Variants in CDHR3 observed in about 807,000 individuals in gnomAD.
The protein encoded by CDHR3 is cadherin-related family member 3.
Under a neutral mutation model 86.6 loss-of-function variants are expected in CDHR3, and 79 were observed. That is an observed-to-expected ratio of 0.91 (90% CI 0.76 to 1.10). The LOEUF is 1.10. Among genes scored for constraint, CDHR3 ranks in the 50% least tolerant of loss-of-function variants. The pLI is 0.00. For missense variants in CDHR3, 1,081 were observed against 1,077.6 expected (o/e 1.00, Z -0.04); for synonymous variants, 421 against 402.4 (o/e 1.05, Z -0.55).
intron 1 of CDHR3, among the ~76,000 whole-genome samples, chr7:105,968,363 T>C (rs1008413405): frequency 1.3e-5 from 2 of 152,096 alleles, no homozygotes; most frequent in Non-Finnish European, 2.9e-5. Context: ...TTTCTTTTTT[T>C]TATTTTTTAT....
At chr7:105,980,785 GA>G (rs1829620417) in intron 2 of CDHR3, among the ~76,000 whole-genome samples, 182 bp from the exon 3 acceptor site, 1 of 151,994 alleles carries the variant, frequency 6.6e-6, no homozygotes, top group Non-Finnish European at 1.5e-5. Context: ...TCCCTTTAGT[GA>G]AGTATCATAG....
chr7:106,024,837 C>T (rs1379902225), intron 15 of CDHR3, among the ~76,000 whole-genome samples: 1 of 152,210 alleles, frequency 6.6e-6, no homozygotes, highest in Non-Finnish European at 1.5e-5. Flanking sequence ...GGGCATCAAC[C>T]TTCTGATGAC....
rs146648300 is a variant in CDHR3, at chr7:105,986,442, G to A, written c.513+2153G>A. Among the ~76,000 whole-genome samples, 63 of 152,294 alleles carry A rather than the reference G, an allele frequency of 4.1e-4. No homozygotes were observed. The East Asian group carries it at 7.1e-3, about 17-fold the overall frequency. ...CAGACATTCATGCGTAGGGGAGAAG[G>A]AACAGCTTTTCCTCACTTGTCAAAA... is the stretch of plus-strand genomic sequence containing the variant. On this transcript the variant is annotated intron_variant, in intron 4 of 18. Coordinates refer to ENST00000317716, the MANE Select transcript of CDHR3 (RefSeq NM_152750.5).
rs1194848499 is a variant in CDHR3, at chr7:106,032,395, A to AC, written c.2358dup (p.Gly787ArgfsTer5). 6.2e-7 allele frequency: 1 copy of AC among 1,602,554 alleles called. No homozygotes were observed. The highest frequency in any genetic ancestry group is 1.7e-5 in the Admixed American group (1 of 58,414). On this transcript the variant is annotated frameshift_variant, in exon 19 of 19. Coordinates refer to ENST00000317716, the MANE Select transcript of CDHR3 (RefSeq NM_152750.5). LOFTEE classifies it high-confidence loss of function. Reference sequence around the variant, plus strand: ...TTGTTGTATTTTTTTTTCACTAGTGACCGGGGAAACATATGAATTCAACTC... The same window carrying AC: ...TTGTTGTATTTTTTTTTCACTAGTGACCCGGGGAAACATATGAATTCAACTC...
chr7:105,974,792 C>T, intron 1 of CDHR3, 52 bp from the exon 2 acceptor site: 3 of 1,475,712 alleles, frequency 2.0e-6, no homozygotes, highest in Non-Finnish European at 2.8e-6. Context: ...AGTCCCTGTT[C>T]CCAGCAAAAG....
At chr7:106,027,211 A>T (rs778176570) in intron 16 of CDHR3, among the ~76,000 whole-genome samples, 9 of 152,106 alleles carry the variant, frequency 5.9e-5, no homozygotes, top group Non-Finnish European at 1.3e-4. Context: ...CCTGGCCAGC[A>T]TGGTGAAACC....
At chr7:106,020,639 A>C in intron 13 of CDHR3, 95 bp downstream of exon 13, 1 of 1,382,752 alleles carries the variant, frequency 7.2e-7, no homozygotes, top group African/African-American at 1.4e-5. Flanking sequence ...ATCTGGGCAA[A>C]GTGGGATGGG....
intron 2 of CDHR3, among the ~76,000 whole-genome samples, chr7:105,975,368 A>G (rs1828644657): frequency 1.3e-5 from 2 of 152,092 alleles, no homozygotes; most frequent in Non-Finnish European, 2.9e-5. Flanking sequence ...CTTTCGGTGG[A>G]GTAGTTTGGA....
intron 3 of CDHR3, among the ~76,000 whole-genome samples, chr7:105,983,830 A>T (rs1481052644): frequency 6.6e-6 from 1 of 152,132 alleles, no homozygotes; most frequent in African/African-American, 2.4e-5. Flanking sequence ...ATTAAAATGG[A>T]TTCAGCACAT....
rs905266492 is a variant in CDHR3, at chr7:105,972,209, G to A, written c.47-2635G>A. Among the ~76,000 whole-genome samples, 7 of 152,164 alleles carry A rather than the reference G, an allele frequency of 4.6e-5. 1 individual carries two copies. Among genetic ancestry groups the A allele is most frequent in the Admixed American group, 2.0e-4 (3 of 15,282 alleles). Reference sequence around the variant, plus strand: ...CAATGGTGACAGCAATACCTATGTCGGAGGATTGTGCTGGGATTAAGGGGA... The same window carrying A: ...CAATGGTGACAGCAATACCTATGTCAGAGGATTGTGCTGGGATTAAGGGGA... On this transcript the variant is annotated intron_variant, in intron 1 of 18. Coordinates refer to ENST00000317716, the MANE Select transcript of CDHR3 (RefSeq NM_152750.5).
intron 7 of CDHR3, 129 bp downstream of exon 7, chr7:106,001,739 T>G: frequency 9.0e-7 from 1 of 1,111,570 alleles, no homozygotes; most frequent in Non-Finnish European, 1.3e-6. Context: ...AAAATCCACG[T>G]ATGCTCAAGT....
In CDHR3 at chr7:105,981,148, G is replaced by A; in HGVS notation, c.415+15G>A. 1 of 1,611,724 alleles carries A rather than the reference G, an allele frequency of 6.2e-7. No homozygotes were observed. Among genetic ancestry groups the A allele is most frequent in the Non-Finnish European group, 8.5e-7 (1 of 1,178,660 alleles). ...CTTGGCAGAAGGTAGGATACACCAG[G>A]ATGTGCACTGCAGCCCAGACAGTGG... On this transcript the variant is annotated intron_variant, in intron 3 of 18. Transcript: ENST00000317716.
At chr7:105,982,849 G>A (rs1299673464) in intron 3 of CDHR3, among the ~76,000 whole-genome samples, 2 of 151,944 alleles carry the variant, frequency 1.3e-5, no homozygotes, top group South Asian at 2.1e-4. Flanking sequence ...CAGATGTGGT[G>A]GCAGGTACCT....
At chr7:105,995,415 G>A (rs559152515) in intron 5 of CDHR3, among the ~76,000 whole-genome samples, 17 of 151,958 alleles carry the variant, frequency 1.1e-4, no homozygotes, top group African/African-American at 3.9e-4. Context: ...GACCAAGGAC[G>A]GTGATGTGGA....
In CDHR3 at chr7:105,982,493, A is replaced by G. The variant is rs540580824; in HGVS notation, c.415+1360A>G. On this transcript the variant is annotated intron_variant, in intron 3 of 18. Coordinates refer to ENST00000317716, the MANE Select transcript of CDHR3 (RefSeq NM_152750.5). ...CAAAAAAAAAAAAGAAAAAAAAAAA[A>G]AAGAACCAATTAAATCTGGCAAGCT... is the stretch of plus-strand genomic sequence containing the variant. Among the ~76,000 whole-genome samples the G allele has an allele frequency of 2.8e-4, 42 of 151,230 alleles. 1 individual carries two copies. The South Asian group carries it at 6.5e-3, about 23-fold the overall frequency.
At chr7:106,021,370 G>A (rs1367720842) in intron 13 of CDHR3, among the ~76,000 whole-genome samples, 1 of 152,112 alleles carries the variant, frequency 6.6e-6, no homozygotes, top group African/African-American at 2.4e-5. Flanking sequence ...AAAACCCAGG[G>A]GCAGAAACTG....
rs1182150723 is a variant in CDHR3 at position 106,012,958 on chromosome 7, A to G, written c.1151A>G (p.Asn384Ser). 1.2e-6 allele frequency: 2 copies of G among 1,613,574 alleles called. No homozygotes were observed. Among genetic ancestry groups the G allele is most frequent in the African/African-American group, 2.7e-5 (2 of 74,892 alleles). ...AGTGAGGCACCAAACAACAGATTCA[A>G]CTTCACCATGCCATCTGGAGTGGGG... ...DDSEAPNNRF[N>S]FTMPSGVGSG... Residue 384 changes from asparagine (N) to serine (S), a missense_variant, in exon 9 of 19, where the codon AAC (asparagine) becomes AGC (serine). Physicochemically the swap from Asn to Ser is conservative, Grantham distance 46 (BLOSUM62 1). Coordinates refer to ENST00000317716, the MANE Select transcript of CDHR3 (RefSeq NM_152750.5).
rs117555883 is a variant in CDHR3, at chr7:106,031,577, G to T, written c.2353+737G>T. On this transcript the variant is annotated intron_variant, in intron 18 of 18. Coordinates refer to ENST00000317716, the MANE Select transcript of CDHR3 (RefSeq NM_152750.5). ...CCAGTGAGAGGCTGCCGCCGCCGCT[G>T]CTGCTGCTGCTGGAATTAAATTTCC... Among the ~76,000 whole-genome samples the T allele has an allele frequency of 4.9e-4, 74 of 152,332 alleles. 2 individuals carry two copies. The East Asian group carries it at 0.013, about 27-fold the overall frequency.
intron 9 of CDHR3, among the ~76,000 whole-genome samples, chr7:106,014,336 C>T (rs1364656228): frequency 6.6e-6 from 1 of 152,194 alleles, no homozygotes; most frequent in Non-Finnish European, 1.5e-5. Context: ...CCAGACCCTA[C>T]ATATGTTATG....
Sources: gnomAD v4.1 joint callset for allele counts (sites outside exome capture counted in the v4.1 genomes callset) on GRCh38, gnomAD v4.1.1 for gene constraint, MANE v1.5 for transcripts, NCBI Gene and HGNC (gene_info 2026-07-23, HGNC 2026-07-21) for gene names.